Variants in TENM2 observed in about 807,000 individuals in gnomAD.
TENM2 encodes the protein teneurin transmembrane protein 2.
TENM2 carries 52 observed loss-of-function variants against 245.2 expected under a neutral mutation model. That is an observed-to-expected ratio of 0.21 (90% CI 0.17 to 0.27). The LOEUF (loss-of-function observed/expected upper bound fraction) is 0.27, where lower values mean the gene tolerates loss of function less well. TENM2 is among the 10% of genes least tolerant of loss of function. The pLI is 1.00. For missense variants in TENM2, 3,046 were observed against 3,666.8 expected (o/e 0.83, Z 4.37); for synonymous variants, 1,363 against 1,438.9 (o/e 0.95, Z 1.19).
At chr5:167,139,034 T>G in the TENM2 span, among the ~76,000 whole-genome samples, 2 of 152,240 alleles carry the variant, frequency 1.3e-5, no homozygotes, top group Non-Finnish European at 2.9e-5. Flanking sequence ...TAAGGGCTAG[T>G]TACTATCATT....
At chr5:167,894,957 GGAA>G (rs1775069117) in intron 3 of TENM2, among the ~76,000 whole-genome samples, 1 of 126,336 alleles carries the variant, frequency 7.9e-6, no homozygotes, top group African/African-American at 2.9e-5. Flanking sequence ...AAGGAAGGAA[GGAA>G]GGAAGGAAGG....
At chr5:167,925,244 T>C in intron 3 of TENM2, among the ~76,000 whole-genome samples, 1 of 152,152 alleles carries the variant, frequency 6.6e-6, no homozygotes, top group African/African-American at 2.4e-5. Context: ...ACCTCAAAAA[T>C]GTTATGCTGA....
At chr5:168,133,732 G>A (rs1227978063) in intron 12 of TENM2, among the ~76,000 whole-genome samples, 1 of 152,192 alleles carries the variant, frequency 6.6e-6, no homozygotes, top group African/African-American at 2.4e-5. Flanking sequence ...CCTTGCATAA[G>A]TTGAATCATC....
At chr5:167,763,350 C>T (rs965722650) in intron 2 of TENM2, among the ~76,000 whole-genome samples, 1 of 152,176 alleles carries the variant, frequency 6.6e-6, no homozygotes, top group Non-Finnish European at 1.5e-5. Flanking sequence ...TAAGTCATTT[C>T]ATTCCTTCAC....
the TENM2 span, among the ~76,000 whole-genome samples, chr5:166,999,220 G>A: frequency 6.6e-6 from 1 of 152,136 alleles, no homozygotes; most frequent in Non-Finnish European, 1.5e-5. Flanking sequence ...GTAGTGAGAT[G>A]CGGATGGATA....
chr5:167,641,233 T>C (rs1779595081), intron 2 of TENM2, among the ~76,000 whole-genome samples: 1 of 152,020 alleles, frequency 6.6e-6, no homozygotes, highest in Admixed American at 6.6e-5. Context: ...ATCTAAAAAA[T>C]TAAAATTGCA....
the TENM2 span, among the ~76,000 whole-genome samples, chr5:167,029,609 T>C: frequency 6.6e-6 from 1 of 152,144 alleles, no homozygotes. Flanking sequence ...ATCAGGCTAA[T>C]CTCGGTTTCA....
intron 7 of TENM2, among the ~76,000 whole-genome samples, chr5:168,086,588 G>A (rs1056672731): frequency 2.6e-5 from 4 of 152,148 alleles, no homozygotes; most frequent in Non-Finnish European, 5.9e-5. Context: ...ACTTCCTCCC[G>A]CAGCCAGCCG....
chr5:168,252,051 C>G (rs1767160082), intron 27 of TENM2, among the ~76,000 whole-genome samples: 1 of 152,144 alleles, frequency 6.6e-6, no homozygotes, highest in South Asian at 2.1e-4. Context: ...ATTGACATAC[C>G]TGTGATGAAA....
chr5:168,042,315 C>T (rs773899371), intron 5 of TENM2, among the ~76,000 whole-genome samples: 2 of 152,084 alleles, frequency 1.3e-5, no homozygotes, highest in Non-Finnish European at 2.9e-5. Flanking sequence ...TTAAAGACAC[C>T]CCCTGCTCCT....
chr5:167,668,233 C>T (rs1459069), intron 2 of TENM2, among the ~76,000 whole-genome samples: 2,184 of 152,160 alleles, frequency 0.014, 49 homozygotes, highest in African/African-American at 0.051. Context: ...AAATCTTTCT[C>T]AGCTCCACCA....
chr5:167,769,415 C>A (rs1276205229), intron 2 of TENM2, among the ~76,000 whole-genome samples: 3 of 152,124 alleles, frequency 2.0e-5, no homozygotes. Context: ...ACACTGGGGC[C>A]TTTTCATTGG....
chr5:167,102,247 T>C, the TENM2 span, among the ~76,000 whole-genome samples: 1 of 151,650 alleles, frequency 6.6e-6, no homozygotes, highest in Non-Finnish European at 1.5e-5. Flanking sequence ...AAATTAAACA[T>C]TTATACATAT....
chr5:167,444,662 A>G (rs975618657), intron 2 of TENM2, among the ~76,000 whole-genome samples: 1 of 152,114 alleles, frequency 6.6e-6, no homozygotes, highest in Non-Finnish European at 1.5e-5. Context: ...TTTTTACTAT[A>G]TTGTTTGTAG....
chr5:167,348,044 G>A (rs1371858866), intron 1 of TENM2, among the ~76,000 whole-genome samples: 1 of 152,208 alleles, frequency 6.6e-6, no homozygotes, highest in African/African-American at 2.4e-5. Flanking sequence ...GCAAGGGAAT[G>A]TTCCCATATG....
At chr5:167,084,744 G>C in the TENM2 span, among the ~76,000 whole-genome samples, 42 of 152,118 alleles carry the variant, frequency 2.8e-4, no homozygotes, top group Non-Finnish European at 5.1e-4. Context: ...TTATAAAGCA[G>C]GAAGATCTAA....
At chr5:167,800,610 T>C (rs1251093375) in intron 2 of TENM2, among the ~76,000 whole-genome samples, 1 of 152,192 alleles carries the variant, frequency 6.6e-6, no homozygotes, top group African/African-American at 2.4e-5. Flanking sequence ...TTTCAAGTCT[T>C]GCAGCATGCA....
the TENM2 span, among the ~76,000 whole-genome samples, chr5:167,098,639 T>C: frequency 6.6e-6 from 1 of 152,258 alleles, no homozygotes; most frequent in Non-Finnish European, 1.5e-5. Context: ...AGATGAAACA[T>C]AAAACTTGAA....
intron 2 of TENM2, among the ~76,000 whole-genome samples, chr5:167,807,160 G>A (rs60649062): frequency 0.061 from 5,483 of 90,016 alleles, 197 homozygotes; most frequent in East Asian, 0.3. Context: ...AAAAAAAGAA[G>A]AAGAAGAAGT....
Sources: allele counts gnomAD v4.1 joint callset (sites outside exome capture counted in the v4.1 genomes callset), GRCh38; gene constraint gnomAD v4.1.1; transcripts MANE v1.5; gene names NCBI Gene and HGNC (gene_info 2026-07-23, HGNC 2026-07-21).